Variants in ANKS1B observed in about 807,000 individuals in gnomAD.
ANKS1B encodes the protein ankyrin repeat and sterile alpha motif domain containing 1B, also known as ankyrin repeat and sterile alpha motif domain-containing protein 1B.
In ANKS1B, 36 loss-of-function variants were observed where a neutral mutation model predicts 148.3. The ratio of observed to expected loss-of-function variants is 0.24; its 90% CI spans 0.19 to 0.32. ANKS1B has a LOEUF of 0.32. Among genes scored for constraint, ANKS1B ranks in the 10% least tolerant of loss-of-function variants. ANKS1B has a pLI of 1.00. For missense variants in ANKS1B, 1,157 were observed against 1,542.6 expected (o/e 0.75, Z 4.19); for synonymous variants, 542 against 560.8 (o/e 0.97, Z 0.47).
At chr12:99,682,182 G>A (rs2098623776) in intron 8 of ANKS1B, among the ~76,000 whole-genome samples, 2 of 152,296 alleles carry the variant, frequency 1.3e-5, no homozygotes, top group African/African-American at 4.8e-5. Context: ...ATACTCCACT[G>A]ACAGCACTAG....
chr12:99,928,251 C>A (rs1277721144), intron 1 of ANKS1B, among the ~76,000 whole-genome samples: 1 of 146,474 alleles, frequency 6.8e-6, no homozygotes, highest in Non-Finnish European at 1.5e-5. Context: ...CTTCAACCAC[C>A]TATTATTTTA....
intron 17 of ANKS1B, among the ~76,000 whole-genome samples, chr12:98,918,769 C>A (rs905240601): frequency 6.6e-6 from 1 of 152,160 alleles, no homozygotes; most frequent in African/African-American, 2.4e-5. Flanking sequence ...ACGGTAGTAA[C>A]TACCTTTTTA....
At chr12:99,570,248 T>A (rs562911893) in intron 9 of ANKS1B, among the ~76,000 whole-genome samples, 4 of 152,268 alleles carry the variant, frequency 2.6e-5, no homozygotes, top group African/African-American at 9.6e-5. Flanking sequence ...ATGTTGCTTA[T>A]GTCACAATTG....
chr12:98,924,657 T>C (rs2099805814), intron 17 of ANKS1B, among the ~76,000 whole-genome samples: 1 of 152,184 alleles, frequency 6.6e-6, no homozygotes. Flanking sequence ...TTCGGGGTGA[T>C]GCAATCCCTC....
intron 12 of ANKS1B, among the ~76,000 whole-genome samples, chr12:99,327,188 TA>T (rs1407618402): frequency 8.5e-6 from 1 of 117,562 alleles, no homozygotes; most frequent in Non-Finnish European, 1.6e-5. Context: ...ATATTTATTA[TA>T]ATTATATAAT....
chr12:98,891,179 G>A (rs2099751880), intron 17 of ANKS1B, among the ~76,000 whole-genome samples: 1 of 152,158 alleles, frequency 6.6e-6, no homozygotes, highest in Non-Finnish European at 1.5e-5. Context: ...ATTAGAACTT[G>A]CACTTTTGCT....
At chr12:98,812,549 C>T (rs958742221) in intron 19 of ANKS1B, among the ~76,000 whole-genome samples, 3 of 152,250 alleles carry the variant, frequency 2.0e-5, no homozygotes, top group East Asian at 1.9e-4. Flanking sequence ...AGTTTAAAAG[C>T]AGTTGTGTTT....
intron 17 of ANKS1B, among the ~76,000 whole-genome samples, chr12:98,850,933 C>T (rs544461782): frequency 1.5e-4 from 23 of 152,286 alleles, no homozygotes; most frequent in African/African-American, 4.8e-4. Flanking sequence ...ATTACTTTTG[C>T]TACCTAATAT....
At chr12:99,495,217 C>T (rs946629578) in intron 10 of ANKS1B, among the ~76,000 whole-genome samples, 1 of 152,064 alleles carries the variant, frequency 6.6e-6, no homozygotes, top group Non-Finnish European at 1.5e-5. Flanking sequence ...TCATAAAGAG[C>T]CTATATTCCC....
At position 99,409,783 on chromosome 12, in the gene ANKS1B, CAT is replaced by C. The variant is rs555093223; in HGVS notation, c.1576-9974_1576-9973del. On this transcript the variant is annotated intron_variant, in intron 11 of 26. Transcript: ENST00000683438. ...AATAGGTCTAGAATATTCATTTAAA[CAT>C]GTTTGATTTAATATAATTTTTACTA... 1.9e-3 allele frequency among the ~76,000 whole-genome samples: 259 copies of C among 139,562 alleles called. 1 individual carries two copies. The highest frequency in any genetic ancestry group is 3.4e-3 in the Non-Finnish European group (215 of 63,962). 91.6% of individuals were successfully genotyped at this position (139,562 alleles called of 152,430 possible). A position where few individuals can be genotyped will look rare whatever the true frequency, so the allele number is the denominator to read the frequency against.
intron 9 of ANKS1B, among the ~76,000 whole-genome samples, chr12:99,545,954 T>C (rs1347534603): frequency 6.6e-6 from 1 of 152,012 alleles, no homozygotes; most frequent in Non-Finnish European, 1.5e-5. Context: ...GATGGAATAT[T>C]CTCCTCCGTT....
At chr12:98,743,296 T>C (rs1453650451), downstream of ANKS1B, among the ~76,000 whole-genome samples, 7 of 152,242 alleles carry the variant, frequency 4.6e-5, no homozygotes, top group Non-Finnish European at 7.3e-5. Context: ...ATCATTTCCA[T>C]GACTTATTAA....
chr12:98,827,862 C>G (rs1267282453), intron 19 of ANKS1B, among the ~76,000 whole-genome samples: 1 of 152,124 alleles, frequency 6.6e-6, no homozygotes, highest in Non-Finnish European at 1.5e-5. Context: ...AAAGTTAAAA[C>G]AAACCACATC....
intron 17 of ANKS1B, among the ~76,000 whole-genome samples, chr12:98,863,967 T>C (rs910669812): frequency 1.3e-5 from 2 of 152,198 alleles, no homozygotes; most frequent in African/African-American, 4.8e-5. Flanking sequence ...CGAGTTTATA[T>C]TCCTGGAGGT....
At chr12:99,982,006 A>G (rs2095709655) in intron 1 of ANKS1B, among the ~76,000 whole-genome samples, 4 of 152,184 alleles carry the variant, frequency 2.6e-5, no homozygotes, top group Non-Finnish European at 5.9e-5. Flanking sequence ...ATGTCATTTT[A>G]TGCAAATGAT....
chr12:99,613,245 G>C (rs12307027), intron 9 of ANKS1B, among the ~76,000 whole-genome samples: 1 of 152,106 alleles, frequency 6.6e-6, no homozygotes, highest in Non-Finnish European at 1.5e-5. Flanking sequence ...TTATACCAAC[G>C]CTGTTAGTAG....
intron 4 of ANKS1B, among the ~76,000 whole-genome samples, chr12:99,798,391 TG>T (rs1383291423): frequency 6.7e-6 from 1 of 149,438 alleles, no homozygotes; most frequent in Non-Finnish European, 1.5e-5. Context: ...GTACCCTGTT[TG>T]GTACTTAGCC....
At chr12:99,960,601 A>G (rs1323582705) in intron 1 of ANKS1B, among the ~76,000 whole-genome samples, 1 of 152,166 alleles carries the variant, frequency 6.6e-6, no homozygotes, top group Non-Finnish European at 1.5e-5. Context: ...GAGGGGAAAT[A>G]AGAAAACCCT....
At chr12:99,775,690 A>C in intron 6 of ANKS1B, 29 bp from the exon 7 acceptor site, 7 of 1,234,832 alleles carry the variant, frequency 5.7e-6, no homozygotes, top group Non-Finnish European at 8.0e-6. Flanking sequence ...GAGATTACAT[A>C]CTTGAATTCA....
Sources: gnomAD v4.1 joint callset for allele counts (sites outside exome capture counted in the v4.1 genomes callset) on GRCh38, gnomAD v4.1.1 for gene constraint, MANE v1.5 for transcripts, NCBI Gene and HGNC (gene_info 2026-07-23, HGNC 2026-07-21) for gene names.